ARID5B: variants seen among roughly 807,000 people sequenced by gnomAD.
ARID5B encodes AT-rich interactive domain-containing protein 5B.
Under a neutral mutation model 97.2 loss-of-function variants are expected in ARID5B, and 13 were observed. That is an observed-to-expected ratio of 0.13 (90% CI 0.09 to 0.21). The LOEUF (loss-of-function observed/expected upper bound fraction) is 0.21, where lower values mean the gene tolerates loss of function less well. ARID5B is among the 10% of genes least tolerant of loss of function. The pLI is 1.00. For synonymous variants in ARID5B, 556 were observed against 570.3 expected (o/e 0.97, Z 0.36); for missense variants, 1,210 against 1,465.3 (o/e 0.83, Z 2.84).
At chr10:61,977,510 C>G (rs1421178595) in intron 3 of ARID5B, among the ~76,000 whole-genome samples, 1 of 152,226 alleles carries the variant, frequency 6.6e-6, no homozygotes, top group Admixed American at 6.5e-5. Flanking sequence ...CACATCCTCT[C>G]CAGCACCTGT....
Position 62,087,298 on chromosome 10 carries a change from C to CAAAAAAAAAAAA in ARID5B, c.1398+1407_1398+1418dup, listed in dbSNP as rs71299289. ...TGGGTGACAGAGAGAGACTCTATCTCAAAAAAAAAAAAAAAAAAAAGGAAA... is the reference window on the plus strand; with the variant it reads ...TGGGTGACAGAGAGAGACTCTATCTCAAAAAAAAAAAAAAAAAAAAAAAAAAAAAAAAGGAAA... On this transcript the variant is annotated intron_variant, in intron 9 of 9. Transcript: ENST00000279873. 4.2e-3 allele frequency among the ~76,000 whole-genome samples: 170 copies of CAAAAAAAAAAAA among 40,898 alleles called. 8 individuals carry two copies. The highest frequency in any genetic ancestry group is 4.8e-3 in the Non-Finnish European group (120 of 25,134). The allele number at this position is 40,898 out of a possible 152,430, so 26.8% of individuals were successfully genotyped here. A position where few individuals can be genotyped will look rare whatever the true frequency, so the allele number is the denominator to read the frequency against.
At chr10:61,941,227 G>A (rs1414678703) in intron 3 of ARID5B, among the ~76,000 whole-genome samples, 1 of 150,624 alleles carries the variant, frequency 6.6e-6, no homozygotes, top group Admixed American at 6.6e-5. Context: ...TAAAGGAGGG[G>A]CTTCATAATT....
chr10:61,963,070 C>T (rs1229413897), intron 3 of ARID5B, among the ~76,000 whole-genome samples: 1 of 151,314 alleles, frequency 6.6e-6, no homozygotes, highest in Non-Finnish European at 1.5e-5. Context: ...CTCAACTCAA[C>T]TAATGTAAAT....
intron 4 of ARID5B, among the ~76,000 whole-genome samples, chr10:62,043,801 CAAGT>C (rs757059465): frequency 2.0e-5 from 3 of 152,150 alleles, no homozygotes; most frequent in Non-Finnish European, 4.4e-5. Context: ...CCAGCATTCA[CAAGT>C]ATGAAACAGA....
intron 4 of ARID5B, among the ~76,000 whole-genome samples, chr10:62,032,329 A>G (rs1450815047): frequency 6.6e-6 from 1 of 152,118 alleles, no homozygotes; most frequent in Non-Finnish European, 1.5e-5. Context: ...TCTGTAAATA[A>G]ATCAATGAAA....
intron 4 of ARID5B, among the ~76,000 whole-genome samples, chr10:62,006,025 T>C (rs1268052140): frequency 6.6e-6 from 1 of 152,212 alleles, no homozygotes; most frequent in Non-Finnish European, 1.5e-5. Flanking sequence ...TGAAGCTAAG[T>C]AGAAAAGGAG....
Position 62,066,787 on chromosome 10 carries a change from C to T in ARID5B, c.1102-2913C>T, listed in dbSNP as rs191443397. ...TTAGATGGTAGGATGGGGAGGGAGG[C>T]GTGGTCAGTTTCACACCCTAAATAT... On this transcript the variant is annotated intron_variant, in intron 7 of 9. Coordinates refer to ENST00000279873, the MANE Select transcript of ARID5B (RefSeq NM_032199.3). Among the ~76,000 whole-genome samples the T allele has an allele frequency of 3.2e-4, 48 of 152,252 alleles. No homozygotes were observed. The East Asian group carries it at 7.9e-3, about 25-fold the overall frequency.
chr10:62,022,282 T>C (rs1265310806), intron 4 of ARID5B, among the ~76,000 whole-genome samples: 1 of 152,230 alleles, frequency 6.6e-6, no homozygotes. Flanking sequence ...ACTGTGGCCA[T>C]GCCATCCTTT....
intron 4 of ARID5B, among the ~76,000 whole-genome samples, chr10:62,018,682 C>T (rs1221196785): frequency 6.9e-6 from 1 of 144,278 alleles, no homozygotes; most frequent in Non-Finnish European, 1.5e-5. Flanking sequence ...CAAACATCTG[C>T]TTGACCACCC....
At chr10:62,070,680 A>C (rs555433205) in intron 8 of ARID5B, among the ~76,000 whole-genome samples, 1 of 152,358 alleles carries the variant, frequency 6.6e-6, no homozygotes, top group Non-Finnish European at 1.5e-5. Context: ...TTGTAATAAT[A>C]AATTGAATTG....
chr10:61,943,137 T>C (rs1225005961), intron 3 of ARID5B, among the ~76,000 whole-genome samples: 1 of 152,248 alleles, frequency 6.6e-6, no homozygotes, highest in Non-Finnish European at 1.5e-5. Flanking sequence ...CTTAATGTAA[T>C]GAGTTTCCAT....
At chr10:62,008,711 G>A (rs1265439779) in intron 4 of ARID5B, among the ~76,000 whole-genome samples, 1 of 152,162 alleles carries the variant, frequency 6.6e-6, no homozygotes, top group African/African-American at 2.4e-5. Flanking sequence ...CAGACCTCCG[G>A]TGGCTTCCCA....
At chr10:62,054,959 G>T (rs77351877) in intron 5 of ARID5B, among the ~76,000 whole-genome samples, 3,190 of 152,236 alleles carry the variant, frequency 0.021, 112 homozygotes, top group African/African-American at 0.071. Flanking sequence ...GGAACATGAA[G>T]GTAGAGTATG....
intron 3 of ARID5B, among the ~76,000 whole-genome samples, chr10:61,991,723 A>G (rs1312072881): frequency 2.0e-5 from 3 of 152,078 alleles, no homozygotes; most frequent in South Asian, 4.1e-4. Context: ...TGCTTTTGGT[A>G]TTATGGTTAA....
intron 2 of ARID5B, among the ~76,000 whole-genome samples, chr10:61,921,241 T>G (rs1258603553): frequency 2.0e-5 from 3 of 152,190 alleles, no homozygotes; most frequent in Non-Finnish European, 4.4e-5. Context: ...CTATCCACAG[T>G]TTCTGTGGGT....
intron 4 of ARID5B, among the ~76,000 whole-genome samples, chr10:62,009,655 C>G (rs1460702183): frequency 6.6e-6 from 1 of 152,164 alleles, no homozygotes; most frequent in Non-Finnish European, 1.5e-5. Flanking sequence ...ATGCAAGAAG[C>G]CTAGAGCTAA....
At chr10:61,999,064 T>C (rs1291871789) in intron 3 of ARID5B, among the ~76,000 whole-genome samples, 2 of 152,162 alleles carry the variant, frequency 1.3e-5, no homozygotes, top group Non-Finnish European at 2.9e-5. Flanking sequence ...AAAGCAACCA[T>C]CCACTTCTGT....
At chr10:61,925,766 T>C (rs1245206840) in intron 2 of ARID5B, among the ~76,000 whole-genome samples, 1 of 152,198 alleles carries the variant, frequency 6.6e-6, no homozygotes, top group Admixed American at 6.5e-5. Flanking sequence ...GGTTTTAGAT[T>C]AGTGTGTATT....
intron 8 of ARID5B, among the ~76,000 whole-genome samples, chr10:62,079,329 G>A (rs183597961): frequency 1.3e-3 from 195 of 152,230 alleles, no homozygotes; most frequent in South Asian, 5.4e-3. Flanking sequence ...TCACTTAATC[G>A]TTTAGCTCTG....
Sources: allele counts gnomAD v4.1 joint callset (sites outside exome capture counted in the v4.1 genomes callset), GRCh38; gene constraint gnomAD v4.1.1; transcripts MANE v1.5; gene names NCBI Gene and HGNC (gene_info 2026-07-23, HGNC 2026-07-21).